MTR: variants seen among roughly 807,000 people sequenced by gnomAD.
MTR encodes 5-methyltetrahydrofolate-homocysteine methyltransferase.
In MTR, 84 loss-of-function variants were observed where a neutral mutation model predicts 154.8. The ratio of observed to expected loss-of-function variants is 0.54; its 90% confidence interval spans 0.45 to 0.65. The LOEUF (loss-of-function observed/expected upper bound fraction) is 0.65, where lower values mean the gene tolerates loss of function less well. MTR is among the 30% of genes least tolerant of loss of function. The pLI is 0.00. For missense variants in MTR, 1,275 were observed against 1,570.2 expected, an observed-to-expected ratio of 0.81 and a Z score of 3.18; for synonymous variants, 554 against 553.9, an observed-to-expected ratio of 1.00 and a Z score of 0.00.
rs1666835830 is a variant in MTR, at chr1:236,899,655, A to G, written c.*2011A>G. ...AAGATGGTTAAGTCAATTCTGTTAA[A>G]ACTCAAGGCTTATATTAAGCAAACA... On this transcript the variant is annotated 3_prime_UTR_variant, in exon 33 of 33. Transcript: ENST00000366577. The G allele has an allele frequency of 6.6e-6, 1 of 152,228 alleles. No homozygotes were observed. Among genetic ancestry groups the G allele is most frequent in the South Asian group, 2.1e-4 (1 of 4,834 alleles). 9.4% of individuals were successfully genotyped at this position (152,228 alleles called of 1,614,324 possible).
At chr1:236,887,814 A>G (rs1021928209) in intron 27 of MTR, among the ~76,000 whole-genome samples, 1 of 152,232 alleles carries the variant, frequency 6.6e-6, no homozygotes, top group Non-Finnish European at 1.5e-5. Flanking sequence ...TACGGCCCTG[A>G]TGGTAACACC....
Position 236,889,065 on chromosome 1 carries a change from G to A in MTR, c.2852-116G>A. The A allele has an allele frequency of 2.4e-6, 3 of 1,253,064 alleles. No homozygotes were observed. The South Asian group carries it at 3.6e-5, about 15-fold the overall frequency. The allele number at this position is 1,253,064 out of a possible 1,614,324, so 77.6% of individuals were successfully genotyped here. On this transcript the variant is annotated intron_variant, in intron 27 of 32. Coordinates refer to ENST00000366577, the MANE Select transcript of MTR (RefSeq NM_000254.3). ...CCCTCTTTGTAAAACAACTCCTACGGGTGACAGGAGGGAGGCGGAGTGTGG... is the reference window on the plus strand; with the variant it reads ...CCCTCTTTGTAAAACAACTCCTACGAGTGACAGGAGGGAGGCGGAGTGTGG...
chr1:236,894,587 G>A, intron 30 of MTR, 30 bp downstream of exon 30: 1 of 1,612,872 alleles, frequency 6.2e-7, no homozygotes, highest in Non-Finnish European at 8.5e-7. Context: ...CCGAGGGGCT[G>A]AGGACAGAGG....
intron 3 of MTR, among the ~76,000 whole-genome samples, chr1:236,808,024 T>A (rs546734107): frequency 6.6e-6 from 1 of 152,346 alleles, no homozygotes; most frequent in Non-Finnish European, 1.5e-5. Context: ...TGGATGTGGT[T>A]ATTCAAGACA....
rs148887267 is a variant in MTR, at chr1:236,867,905, G to A, written c.2405+4351G>A. 3.3e-5 allele frequency among the ~76,000 whole-genome samples: 5 copies of A among 152,322 alleles called. No individual in the cohort carries two copies. The East Asian group carries it at 5.8e-4, about 18-fold the overall frequency. ...GCTTCTTACGGCTGAGCAAGGCTGA[G>A]CAAAGAAAGTAGTTTCTTGAGATGG... On this transcript the variant is annotated intron_variant, in intron 22 of 32. Transcript: ENST00000366577.
At chr1:236,881,795 G>C (rs1034989332) in intron 25 of MTR, among the ~76,000 whole-genome samples, 5 of 152,130 alleles carry the variant, frequency 3.3e-5, no homozygotes, top group African/African-American at 1.2e-4. Flanking sequence ...AATGTGTAGT[G>C]TGCCAGGTAC....
At chr1:236,895,260 G>A in intron 30 of MTR, 98 bp from the exon 31 acceptor site, 1 of 1,310,622 alleles carries the variant, frequency 7.6e-7, no homozygotes, top group Non-Finnish European at 1.1e-6. Flanking sequence ...CCAGATGAGG[G>A]AGGGTGTCCT....
Position 236,838,602 on chromosome 1 carries a change from G to A in MTR, c.1515+3G>A. The A allele has an allele frequency of 6.2e-6, 10 of 1,614,002 alleles. No homozygotes were observed. Among genetic ancestry groups the A allele is most frequent in the Non-Finnish European group, 8.5e-6 (10 of 1,179,948 alleles). On this transcript the variant is annotated splice_donor_region_variant and intron_variant, in intron 15 of 32. Coordinates refer to ENST00000366577, the MANE Select transcript of MTR (RefSeq NM_000254.3). Reference sequence around the variant, plus strand: ...TGGCTTTTGATGAAGAAGGACAGGTGAGTGGTTTCTTTTGGCCTAATCCAT... The same window carrying A: ...TGGCTTTTGATGAAGAAGGACAGGTAAGTGGTTTCTTTTGGCCTAATCCAT...
intron 15 of MTR, among the ~76,000 whole-genome samples, chr1:236,848,193 C>T (rs1054906347): frequency 1.3e-5 from 2 of 151,146 alleles, no homozygotes; most frequent in African/African-American, 4.8e-5. Flanking sequence ...TGTGAGGATG[C>T]ACCTGCTTGT....
At chr1:236,842,784 G>GTATATATATATA (rs60138451) in intron 15 of MTR, among the ~76,000 whole-genome samples, 378 of 144,488 alleles carry the variant, frequency 2.6e-3, no homozygotes, top group Non-Finnish European at 3.1e-3. Flanking sequence ...AAAAAAAGAT[G>GTATATATATATA]TATATATATA....
intron 8 of MTR, among the ~76,000 whole-genome samples, chr1:236,822,910 A>G (rs1213084434): frequency 6.6e-6 from 1 of 152,202 alleles, no homozygotes; most frequent in Non-Finnish European, 1.5e-5. Context: ...CTTGTTCCTC[A>G]TCTTAGCATT....
chr1:236,870,884 C>T (rs896667771), intron 22 of MTR, among the ~76,000 whole-genome samples: 8 of 152,338 alleles, frequency 5.3e-5, no homozygotes, highest in South Asian at 4.1e-4. Context: ...GTCATCCTCT[C>T]GTCAGATAAC....
rs1422499923 is a variant in MTR at position 236,897,801 on chromosome 1, G to A, written c.*157G>A. On this transcript the variant is annotated 3_prime_UTR_variant, in exon 33 of 33. Coordinates refer to ENST00000366577, the MANE Select transcript of MTR (RefSeq NM_000254.3). ...GACTATTTAGTGGAACCTTGTAGAG[G>A]AGCAGGGTCTTCCTGCAGTGCCTGG... 2 of 683,560 alleles carry A rather than the reference G, an allele frequency of 2.9e-6. No individual in the cohort carries two copies. The highest frequency in any genetic ancestry group is 5.0e-6 in the Non-Finnish European group (2 of 398,814). 42.3% of individuals were successfully genotyped at this position (683,560 alleles called of 1,614,324 possible).
chr1:236,870,581 G>A (rs1378850843), intron 22 of MTR, among the ~76,000 whole-genome samples: 1 of 152,174 alleles, frequency 6.6e-6, no homozygotes, highest in Non-Finnish European at 1.5e-5. Context: ...CACACCTGGA[G>A]TAACAAGGCC....
chr1:236,854,462 C>CCT (rs1664088398), intron 18 of MTR, among the ~76,000 whole-genome samples: 2 of 152,164 alleles, frequency 1.3e-5, no homozygotes, highest in African/African-American at 4.8e-5. Flanking sequence ...GAGTGCTTAG[C>CCT]CCTGTCGTCT....
rs142527809 is a variant in MTR at position 236,891,942 on chromosome 1, G to A, written c.3204+613G>A. On this transcript the variant is annotated intron_variant, in intron 29 of 32. Coordinates refer to ENST00000366577, the MANE Select transcript of MTR (RefSeq NM_000254.3). ...CAGCCTGTACATATCCCCAGTGGCC[G>A]TTCTTTGACTGTGCTGGCTTTTTTT... Among the ~76,000 whole-genome samples, 811 of 152,218 alleles carry A rather than the reference G, an allele frequency of 5.3e-3. 5 individuals carry two copies. Among genetic ancestry groups the A allele is most frequent in the African/African-American group, 0.017 (693 of 41,524 alleles).
intron 7 of MTR, among the ~76,000 whole-genome samples, chr1:236,815,946 A>T (rs1661567218): frequency 6.6e-6 from 1 of 152,174 alleles, no homozygotes; most frequent in Admixed American, 6.5e-5. Flanking sequence ...GCTCAGTCTC[A>T]TTAGGGCCCA....
rs1281879743 is a variant in MTR, at chr1:236,901,781, C to T, written c.*4137C>T. On this transcript the variant is annotated 3_prime_UTR_variant, in exon 33 of 33. Transcript: ENST00000366577. The stretch of plus-strand genomic sequence containing the variant: ...CTAATCCCATTCATGAGGGCTCCAC[C>T]TTCATGACCTAATTACCTCCCAAAG... 2.6e-5 allele frequency: 4 copies of T among 152,218 alleles called. No homozygotes were observed. The highest frequency in any genetic ancestry group is 2.0e-4 in the Admixed American group (3 of 15,278). The allele number at this position is 152,218 out of a possible 1,614,324, so 9.4% of individuals were successfully genotyped here.
rs764767800 is a variant in MTR at position 236,874,817 on chromosome 1, A to G, written c.2565A>G (p.Pro855=). ...KEMERLAIRI[P]LLIGGATTSK... is the part of the protein sequence containing the mutation. ...TGGAGAGATTAGCTATAAGGATTCCATTGTTGATTGGAGGAGCAACCACTT... is the reference window on the plus strand; with the variant it reads ...TGGAGAGATTAGCTATAAGGATTCCGTTGTTGATTGGAGGAGCAACCACTT... The change falls in exon 24 of 33, where the codon CCA becomes CCG. Residue 855 remains proline, a synonymous_variant. Transcript: ENST00000366577. 15 of 1,613,656 alleles carry G rather than the reference A, an allele frequency of 9.3e-6. No individual in the cohort carries two copies. The highest frequency in any genetic ancestry group is 1.6e-4 in the Middle Eastern group (1 of 6,078).
Sources: gnomAD v4.1 joint callset for allele counts (sites outside exome capture counted in the v4.1 genomes callset) on GRCh38, gnomAD v4.1.1 for gene constraint, MANE v1.5 for transcripts, NCBI Gene and HGNC (gene_info 2026-07-23, HGNC 2026-07-21) for gene names.